The following ROBO2 variants were observed in gnomAD, a reference collection of about 807,000 sequenced individuals.
ROBO2 encodes the protein roundabout guidance receptor 2.
In ROBO2, 53 loss-of-function variants were observed where a neutral mutation model predicts 160.8. The ratio of observed to expected loss-of-function variants is 0.33; its 90% CI spans 0.26 to 0.41. The LOEUF (loss-of-function observed/expected upper bound fraction) is 0.41. Ranked by LOEUF, ROBO2 falls within the 10% of genes least tolerant of loss-of-function variation. The pLI is 1.00. For missense variants in ROBO2, 1,577 were observed against 1,722.4 expected, an observed-to-expected ratio of 0.92 and a Z score of 1.49; for synonymous variants, 664 against 611.7, an observed-to-expected ratio of 1.09 and a Z score of -1.26.
chr3:76,318,458 C>G (rs926540407), intron 2 of ROBO2, among the ~76,000 whole-genome samples: 18 of 151,998 alleles, frequency 1.2e-4, no homozygotes, highest in Non-Finnish European at 2.5e-4. Flanking sequence ...TACACACATG[C>G]ATATACACAT....
chr3:76,271,209 G>T (rs184052276), intron 2 of ROBO2, among the ~76,000 whole-genome samples: 1 of 152,046 alleles, frequency 6.6e-6, no homozygotes, highest in East Asian at 1.9e-4. Flanking sequence ...TAAAACCTGA[G>T]AATGACTGAT....
At chr3:76,078,307 T>C (rs1436991279) in intron 2 of ROBO2, among the ~76,000 whole-genome samples, 1 of 152,210 alleles carries the variant, frequency 6.6e-6, no homozygotes. Flanking sequence ...ATCTGAGTCA[T>C]CTTTTGCACA....
chr3:76,475,481 G>C (rs931568931), intron 2 of ROBO2, among the ~76,000 whole-genome samples: 2 of 151,320 alleles, frequency 1.3e-5, no homozygotes, highest in African/African-American at 4.9e-5. Flanking sequence ...TACATTATCT[G>C]ACTTTCACTT....
chr3:77,608,404 C>T (rs2094566008), intron 21 of ROBO2, among the ~76,000 whole-genome samples: 1 of 152,156 alleles, frequency 6.6e-6, no homozygotes, highest in African/African-American at 2.4e-5. Context: ...ATTGTAGGGA[C>T]CTGGCCAGTG....
At chr3:76,629,407 G>T (rs2089885731) in intron 2 of ROBO2, among the ~76,000 whole-genome samples, 1 of 152,074 alleles carries the variant, frequency 6.6e-6, no homozygotes, top group Non-Finnish European at 1.5e-5. Flanking sequence ...CCCACAATAG[G>T]CCCTCTGCAA....
intron 2 of ROBO2, among the ~76,000 whole-genome samples, chr3:76,088,826 A>G (rs982498731): frequency 2.0e-5 from 3 of 152,042 alleles, no homozygotes; most frequent in Non-Finnish European, 4.4e-5. Flanking sequence ...GAACAAATTA[A>G]ATCCAAAGTA....
At chr3:77,216,989 G>A (rs2085059686) in intron 2 of ROBO2, among the ~76,000 whole-genome samples, 1 of 152,038 alleles carries the variant, frequency 6.6e-6, no homozygotes, top group Non-Finnish European at 1.5e-5. Context: ...AAGACACCAA[G>A]TAATTGATGT....
intron 7 of ROBO2, 27 bp downstream of exon 8, chr3:77,546,489 T>A: frequency 6.2e-7 from 1 of 1,612,322 alleles, no homozygotes; most frequent in Non-Finnish European, 8.5e-7. Flanking sequence ...ACTGCTTTTC[T>A]GAAATCTCTG....
At chr3:76,773,278 T>C (rs946450593) in intron 2 of ROBO2, among the ~76,000 whole-genome samples, 9 of 147,260 alleles carry the variant, frequency 6.1e-5, no homozygotes, top group African/African-American at 1.9e-4. Context: ...TAAACTGTTA[T>C]ATTTATTCTG....
exon 1 of ROBO2, chr3:77,040,328 G>A (rs1459283568): frequency 2.7e-5 from 27 of 995,436 alleles, no homozygotes; most frequent in Non-Finnish European, 3.2e-5. Flanking sequence ...GAAACCGGGG[G>A]AAAGAAAACC....
chr3:76,431,541 G>A (rs952957837), intron 2 of ROBO2, among the ~76,000 whole-genome samples: 2 of 152,044 alleles, frequency 1.3e-5, no homozygotes, highest in Non-Finnish European at 2.9e-5. Flanking sequence ...AATGCCAGTG[G>A]ATTAAGCTTA....
At chr3:76,385,341 A>G (rs2076832279) in intron 2 of ROBO2, among the ~76,000 whole-genome samples, 1 of 152,186 alleles carries the variant, frequency 6.6e-6, no homozygotes, top group Non-Finnish European at 1.5e-5. Context: ...TTTAAAAATC[A>G]TATTTTATAT....
intron 2 of ROBO2, among the ~76,000 whole-genome samples, chr3:76,116,966 CAA>C (rs1271676389): frequency 6.6e-6 from 1 of 152,076 alleles, no homozygotes; most frequent in African/African-American, 2.4e-5. Context: ...TCCCAGTATT[CAA>C]AAAACTGAAG....
chr3:77,463,826 C>T (rs188424191), intron 2 of ROBO2, among the ~76,000 whole-genome samples: 3 of 152,192 alleles, frequency 2.0e-5, no homozygotes, highest in East Asian at 1.9e-4. Flanking sequence ...AGGGATCCCC[C>T]GACCTCGTGG....
At chr3:77,148,356 C>T (rs2077276308) in intron 2 of ROBO2, among the ~76,000 whole-genome samples, 1 of 152,202 alleles carries the variant, frequency 6.6e-6, no homozygotes, top group African/African-American at 2.4e-5. Flanking sequence ...TTCTTATTTA[C>T]ACTGGGCAAG....
At chr3:77,223,785 A>G (rs1174764600) in intron 2 of ROBO2, among the ~76,000 whole-genome samples, 1 of 152,090 alleles carries the variant, frequency 6.6e-6, no homozygotes, top group African/African-American at 2.4e-5. Flanking sequence ...CTTTATGAAG[A>G]CAAGAGAAGT....
intron 2 of ROBO2, among the ~76,000 whole-genome samples, chr3:77,376,089 A>G (rs2072607589): frequency 1.3e-5 from 2 of 151,740 alleles, no homozygotes; most frequent in African/African-American, 4.8e-5. Flanking sequence ...AGCAGATCCC[A>G]TTATCAATAC....
intron 2 of ROBO2, among the ~76,000 whole-genome samples, chr3:76,510,888 A>G (rs2081053063): frequency 6.6e-6 from 1 of 152,220 alleles, no homozygotes; most frequent in Non-Finnish European, 1.5e-5. Context: ...TTATGAAGCA[A>G]GCAAAGATCT....
chr3:76,125,296 A>G (rs1201948176), intron 2 of ROBO2, among the ~76,000 whole-genome samples: 15 of 152,138 alleles, frequency 9.9e-5, no homozygotes, highest in Non-Finnish European at 4.4e-5. Flanking sequence ...TGGGTAGCAC[A>G]ACAGTGAACA....
Sources: gnomAD v4.1 joint callset for allele counts (sites outside exome capture counted in the v4.1 genomes callset) on GRCh38, gnomAD v4.1.1 for gene constraint, MANE v1.5 for transcripts, NCBI Gene and HGNC (gene_info 2026-07-23, HGNC 2026-07-21) for gene names.